SYNE3: variants seen among roughly 807,000 people sequenced by gnomAD.
SYNE3 encodes nesprin-3.
In SYNE3, 100 loss-of-function variants were observed where a neutral mutation model predicts 111.2. The observed-to-expected ratio is 0.90, with a 90% CI of 0.77 to 1.06. The LOEUF (loss-of-function observed/expected upper bound fraction) is 1.06. Among genes scored for constraint, SYNE3 ranks in the 50% least tolerant of loss-of-function variants. The pLI is 0.00. For missense variants in SYNE3, 1,160 were observed against 1,240.3 expected (o/e 0.94, Z 0.97); for synonymous variants, 547 against 533.9 (o/e 1.02, Z -0.34).
At chr14:95,463,243 G>A (rs189686388) in intron 4 of SYNE3, among the ~76,000 whole-genome samples, 1 of 152,296 alleles carries the variant, frequency 6.6e-6, no homozygotes, top group Non-Finnish European at 1.5e-5. Context: ...ACAGGAAAAG[G>A]TTAGAAAAAA....
chr14:95,453,328 C>T (rs1008881761), intron 6 of SYNE3, among the ~76,000 whole-genome samples: 1 of 152,144 alleles, frequency 6.6e-6, no homozygotes, highest in Non-Finnish European at 1.5e-5. Context: ...GACCTCTGAC[C>T]GATCCTCCAT....
At position 95,450,161 on chromosome 14, in the gene SYNE3, G is replaced by T; in HGVS notation, c.1275-56C>A. 2.6e-6 allele frequency: 4 copies of T among 1,526,656 alleles called. No homozygotes were observed. The South Asian group carries it at 4.9e-5, about 19-fold the overall frequency. 94.6% of individuals were successfully genotyped at this position (1,526,656 alleles called of 1,614,324 possible). On this transcript the variant is annotated intron_variant, in intron 7 of 17. Coordinates refer to ENST00000682763, the MANE Select transcript of SYNE3 (RefSeq NM_152592.6). ...GAGGAGAGAGAGTGGGTTCAGTCCA[G>T]GGATGAGGCCTCCGCCAAGACCCTC...
At position 95,415,294 on chromosome 14, in the gene SYNE3, C is replaced by T. The variant is rs1903546008; in HGVS notation, c.*2532G>A. The T allele has an allele frequency of 2.1e-5, 3 of 141,180 alleles. No homozygotes were observed. The South Asian group carries it at 7.9e-4, about 37-fold the overall frequency. 8.7% of individuals were successfully genotyped at this position (141,180 alleles called of 1,614,324 possible). On this transcript the variant is annotated 3_prime_UTR_variant, in exon 18 of 18. Transcript: ENST00000682763. ...TGGCAAGGCCCCCCCACCCACCCAC[C>T]CTGCCACTGCTCTGACTTCCAGGAC...
chr14:95,443,115 G>A, intron 11 of SYNE3, 40 bp downstream of exon 11: 1 of 1,610,450 alleles, frequency 6.2e-7, no homozygotes, highest in Non-Finnish European at 8.5e-7. Context: ...ACAGGGGCCG[G>A]CTCTCTGTCA....
rs1595227449 is a variant in SYNE3 at position 95,467,804 on chromosome 14, T to C, written c.308A>G (p.His103Arg). 1 of 1,614,084 alleles carries C rather than the reference T, an allele frequency of 6.2e-7. No individual in the cohort carries two copies. The highest frequency in any genetic ancestry group is 8.5e-7 in the Non-Finnish European group (1 of 1,179,978). ...GCCCTGGATGCCCTACCTGTGACAG[T>C]GAGTCATGTAGGTGACTGTCTCCTC... ...QWEETVTYMT[H>R]CHSRIEWVWL... Residue 103 changes from histidine to arginine, a missense_variant, in exon 3 of 18, where the codon CAC (histidine) becomes CGC (arginine). Coordinates refer to ENST00000682763, the MANE Select transcript of SYNE3 (RefSeq NM_152592.6).
Position 95,456,870 on chromosome 14 carries a change from G to A in SYNE3, c.789+307C>T, listed in dbSNP as rs180784511. On this transcript the variant is annotated intron_variant, in intron 5 of 17. Transcript: ENST00000682763. ...GAGCCCGAGGCTGGCAGATCACAAGGTCAGGAGATCGAGACCATCCTGGCT... is the reference window on the plus strand; with the variant it reads ...GAGCCCGAGGCTGGCAGATCACAAGATCAGGAGATCGAGACCATCCTGGCT... Among the ~76,000 whole-genome samples the A allele has an allele frequency of 2.0e-5, 3 of 152,264 alleles. No individual in the cohort carries two copies. In the East Asian group the frequency reaches 5.8e-4, roughly 29 times the overall value.
At chr14:95,516,549 C>T (rs1457684874) in intron 1 of SYNE3, among the ~76,000 whole-genome samples, 47 bp downstream of exon 1, 1 of 151,252 alleles carries the variant, frequency 6.6e-6, no homozygotes, top group East Asian at 1.9e-4. Flanking sequence ...GCCCCCGGCC[C>T]CCGGCCCCCG....
intron 3 of SYNE3, among the ~76,000 whole-genome samples, chr14:95,467,589 G>T (rs183618280): frequency 6.6e-6 from 1 of 152,208 alleles, no homozygotes; most frequent in East Asian, 1.9e-4. Flanking sequence ...GACAAAACAC[G>T]CTGGGTTCCC....
chr14:95,468,293 A>G (rs1380908044), intron 2 of SYNE3, among the ~76,000 whole-genome samples: 6 of 152,244 alleles, frequency 3.9e-5, no homozygotes, highest in Non-Finnish European at 7.3e-5. Flanking sequence ...GTAAAGTGCA[A>G]GTATTAATCG....
In SYNE3 at chr14:95,446,004, C is replaced by T; in HGVS notation, c.1537G>A (p.Glu513Lys). 6.2e-7 allele frequency: 1 copy of T among 1,614,154 alleles called. No individual in the cohort carries two copies. The highest frequency in any genetic ancestry group is 1.1e-5 in the South Asian group (1 of 91,086). The change falls in exon 9 of 18, where the codon GAG becomes AAG. Residue 513 changes from glutamate to lysine, a missense_variant. Transcript: ENST00000682763. ...TGCTCCAGGAGTGCCGTGGCTCTCT[C>T]CTGGCCAAAGATGCCAATCAGGAGG... ...KDLLIGIFGQ[E>K]RATALLEQVA...
chr14:95,485,416 CA>C lies in SYNE3; in HGVS notation c.-14-9582del, dbSNP rs1422110590. ...GCCACCTTAATCAATAGACCTGAGG[CA>C]TTCACTTGAGAGTGAGAACGCACAC... On this transcript the variant is annotated intron_variant, in intron 1 of 17. Transcript: ENST00000682763. This position sits in a 1 kb window ranked among gnomAD's most constrained non-coding sequence, Gnocchi z 4.3. 6.6e-6 allele frequency among the ~76,000 whole-genome samples: 1 copy of C among 152,128 alleles called. No individual in the cohort carries two copies. The highest frequency in any genetic ancestry group is 2.4e-5 in the African/African-American group (1 of 41,418).
intron 1 of SYNE3, among the ~76,000 whole-genome samples, chr14:95,510,450 A>G (rs1316633893): frequency 6.6e-6 from 1 of 152,222 alleles, no homozygotes; most frequent in East Asian, 1.9e-4. Context: ...GCACTTCTGC[A>G]GAGGGAAGGC....
intron 4 of SYNE3, 143 bp downstream of exon 4, chr14:95,465,788 T>C: frequency 1.1e-6 from 1 of 906,912 alleles, no homozygotes; most frequent in South Asian, 2.1e-5. Context: ...AGTGAACAGG[T>C]GAGTAGATGG....
chr14:95,421,074 T>A (rs116995601), intron 17 of SYNE3, among the ~76,000 whole-genome samples: 1 of 152,218 alleles, frequency 6.6e-6, no homozygotes, highest in Non-Finnish European at 1.5e-5. Context: ...CCATGTAAGA[T>A]GTGCCTTTCT....
chr14:95,430,355 G>A (rs780989356), intron 17 of SYNE3, among the ~76,000 whole-genome samples: 3 of 152,174 alleles, frequency 2.0e-5, no homozygotes, highest in Non-Finnish European at 4.4e-5. Context: ...GGCCTGTGTA[G>A]AGCACCTGTC....
At chr14:95,487,767 T>C (rs570721784) in intron 1 of SYNE3, among the ~76,000 whole-genome samples, 62 of 152,280 alleles carry the variant, frequency 4.1e-4, no homozygotes, top group African/African-American at 1.4e-3. Context: ...TTTGTTTGCA[T>C]TTCCTAGAGT....
intron 1 of SYNE3, among the ~76,000 whole-genome samples, chr14:95,514,323 T>G (rs902491985): frequency 1.3e-5 from 2 of 152,156 alleles, no homozygotes; most frequent in African/African-American, 4.8e-5. Flanking sequence ...GTCAGCTGTT[T>G]GGGGTCAAGA....
chr14:95,514,015 C>T (rs1890819263), intron 1 of SYNE3, among the ~76,000 whole-genome samples: 1 of 151,852 alleles, frequency 6.6e-6, no homozygotes, highest in African/African-American at 2.4e-5. Context: ...GACAGCCTTG[C>T]CTACTACCAG....
chr14:95,428,485 G>A (rs1282153229), intron 17 of SYNE3, among the ~76,000 whole-genome samples: 1 of 152,168 alleles, frequency 6.6e-6, no homozygotes, highest in African/African-American at 2.4e-5. Context: ...GCTACTGTCA[G>A]GTCACACAAC....
Sources: allele counts gnomAD v4.1 joint callset (sites outside exome capture counted in the v4.1 genomes callset), GRCh38; gene constraint gnomAD v4.1.1; non-coding constraint Gnocchi (gnomAD v3.1); transcripts MANE v1.5; gene names NCBI Gene and HGNC (gene_info 2026-07-23, HGNC 2026-07-21).